Variants in MLPH observed in about 807,000 individuals in gnomAD.
The protein encoded by MLPH is melanophilin.
MLPH carries 51 observed loss-of-function variants against 72.1 expected under a neutral mutation model. The ratio of observed to expected loss-of-function variants is 0.71; its 90% confidence interval spans 0.56 to 0.89. The LOEUF is 0.89. MLPH is among the 40% of genes least tolerant of loss of function. The pLI is 0.00. For missense variants in MLPH, 743 were observed against 759.9 expected (o/e 0.98, Z 0.26); for synonymous variants, 301 against 310.1 (o/e 0.97, Z 0.31).
At chr2:237,488,402 C>G (rs1034963362) in intron 1 of MLPH, among the ~76,000 whole-genome samples, 4 of 152,216 alleles carry the variant, frequency 2.6e-5, no homozygotes, top group Non-Finnish European at 5.9e-5. Context: ...TGGCCTGCAT[C>G]TGTCCTAGGA....
chr2:237,516,703 G>C (rs1306945098), intron 4 of MLPH, among the ~76,000 whole-genome samples: 1 of 152,036 alleles, frequency 6.6e-6, no homozygotes, highest in African/African-American at 2.4e-5. Flanking sequence ...TGTTTGGATA[G>C]GTATACGAAA....
At position 237,510,508 on chromosome 2, in the gene MLPH, C is replaced by CA. The variant is rs1306459081; in HGVS notation, c.111-65dup. 1 of 1,409,828 alleles carries CA rather than the reference C, an allele frequency of 7.1e-7. No homozygotes were observed. 87.3% of individuals were successfully genotyped at this position (1,409,828 alleles called of 1,614,324 possible). On this transcript the variant is annotated intron_variant, in intron 2 of 15. Coordinates refer to ENST00000264605, the MANE Select transcript of MLPH (RefSeq NM_024101.7). The surrounding 1 kb of genome is among the most constrained non-coding windows in gnomAD (Gnocchi z 4.4). The stretch of plus-strand genomic sequence containing the variant: ...CTGTGTGTGTGTGTATGTACGTGTA[C>CA]ACACTTAAAGCCTGTTGCAAAAACA...
intron 8 of MLPH, among the ~76,000 whole-genome samples, chr2:237,528,881 C>T (rs2080360644): frequency 6.6e-6 from 1 of 152,116 alleles, no homozygotes; most frequent in African/African-American, 2.4e-5. Flanking sequence ...GTCACGAGCT[C>T]CTTTCACCGA....
In MLPH at chr2:237,510,655, C is replaced by T. The variant is rs1381052215; in HGVS notation, c.192C>T (p.Cys64=). The change falls in exon 3 of 16, where the codon TGC becomes TGT. Residue 64 remains cysteine (C), a synonymous_variant. Coordinates refer to ENST00000264605, the MANE Select transcript of MLPH (RefSeq NM_024101.7). The surrounding 1 kb of genome is among the most constrained non-coding windows in gnomAD (Gnocchi z 4.4). ...CTGCCCATCTGAACGAGACCCACTGCGCCCGCTGCCTGCAGCCCTACCAGC... is the reference window on the plus strand; with the variant it reads ...CTGCCCATCTGAACGAGACCCACTGTGCCCGCTGCCTGCAGCCCTACCAGC... The part of the protein sequence containing the change: ...SDTAHLNETH[C]ARCLQPYQLL... 117 of 1,613,794 alleles carry T rather than the reference C, an allele frequency of 7.3e-5. No homozygotes were observed. Among genetic ancestry groups the T allele is most frequent in the Non-Finnish European group, 9.5e-5 (112 of 1,180,046 alleles).
At chr2:237,497,842 C>T (rs1403128069) in intron 2 of MLPH, among the ~76,000 whole-genome samples, 1 of 152,208 alleles carries the variant, frequency 6.6e-6, no homozygotes, top group Admixed American at 6.5e-5. Flanking sequence ...CCTCGGGGTC[C>T]TCATGTCTGC....
chr2:237,520,044 G>A lies in MLPH; in HGVS notation c.675+15G>A, dbSNP rs200220846. Reference sequence around the variant, plus strand: ...ACAGCCCACAGGTCAGTGGGTCCTCGTGTCTTTCCCCTGCCCCTCCCAGGA... The same window carrying A: ...ACAGCCCACAGGTCAGTGGGTCCTCATGTCTTTCCCCTGCCCCTCCCAGGA... On this transcript the variant is annotated intron_variant, in intron 6 of 15. Transcript: ENST00000264605. 2.2e-4 allele frequency: 355 copies of A among 1,613,748 alleles called. 2 individuals carry two copies. In the East Asian group the frequency reaches 7.2e-3, roughly 33 times the overall value.
intron 2 of MLPH, among the ~76,000 whole-genome samples, chr2:237,495,688 C>G (rs1322293950): frequency 6.6e-6 from 1 of 152,202 alleles, no homozygotes; most frequent in Admixed American, 6.5e-5. Flanking sequence ...TCCCTCGGCC[C>G]TGGACCACCA....
rs112509812 is a variant in MLPH at position 237,553,228 on chromosome 2, C to T, written c.1777-338C>T. The T allele has an allele frequency of 2.3e-3, 1,113 of 492,400 alleles. 13 individuals are homozygous for T. The highest frequency in any genetic ancestry group is 0.02 in the African/African-American group (1,042 of 51,370). The allele number at this position is 492,400 out of a possible 1,614,324, so 30.5% of individuals were successfully genotyped here. A position where few individuals can be genotyped will look rare whatever the true frequency, so the allele number is the denominator to read the frequency against. ...GGTTGGTTGCGGGAGGGGACCAATCCGAGGTACTTTCCATTTTCATCTGAG... is the reference window on the plus strand; with the variant it reads ...GGTTGGTTGCGGGAGGGGACCAATCTGAGGTACTTTCCATTTTCATCTGAG... On this transcript the variant is annotated intron_variant, in intron 15 of 15. Transcript: ENST00000264605.
At chr2:237,516,945 G>GATGGATGGA (rs1559350602) in intron 4 of MLPH, among the ~76,000 whole-genome samples, 4,063 of 109,444 alleles carry the variant, frequency 0.037, 223 homozygotes, top group African/African-American at 0.15. Context: ...GGATGGATAG[G>GATGGATGGA]TGGATAGGTG....
intron 14 of MLPH, 64 bp from the exon 15 acceptor site, chr2:237,552,273 G>A: frequency 7.2e-7 from 1 of 1,394,844 alleles, no homozygotes; most frequent in Admixed American, 1.7e-5. Flanking sequence ...AGGAGGCCAA[G>A]GCACTTGTTT....
chr2:237,547,779 C>T (rs112378207), intron 13 of MLPH, among the ~76,000 whole-genome samples: 4 of 146,268 alleles, frequency 2.7e-5, no homozygotes, highest in African/African-American at 1.0e-4. Flanking sequence ...AGTTGCTCCC[C>T]GTGTTCAGGT....
At chr2:237,511,244 CTG>C in intron 4 of MLPH, 143 bp downstream of exon 4, 3 of 627,052 alleles carry the variant, frequency 4.8e-6, no homozygotes, top group East Asian at 6.0e-5. Context: ...ACATGCCTCT[CTG>C]TGAATTCCTG....
intron 4 of MLPH, chr2:237,518,329 G>A (rs557124579): frequency 3.1e-6 from 2 of 655,570 alleles, no homozygotes; most frequent in Non-Finnish European, 5.6e-6. Context: ...GTGAATAGAT[G>A]AATAGATTGA....
intron 12 of MLPH, among the ~76,000 whole-genome samples, chr2:237,543,080 A>G (rs370091180): frequency 0.018 from 361 of 19,614 alleles, no homozygotes; most frequent in South Asian, 0.024. Flanking sequence ...GTGAGTGGGG[A>G]GACAGTGGTG....
Position 237,546,689 on chromosome 2 carries a change from T to G in MLPH, c.1617+6T>G. The G allele has an allele frequency of 6.2e-7, 1 of 1,612,876 alleles. No individual in the cohort carries two copies. Among genetic ancestry groups the G allele is most frequent in the Non-Finnish European group, 8.5e-7 (1 of 1,178,890 alleles). On this transcript the variant is annotated splice_donor_region_variant and intron_variant, in intron 13 of 15. Transcript: ENST00000264605. ...ACCCTTCAAGTGAGGCCAAGGTATG[T>G]GTTACTCCATTCAAGCCCCAGACAC... is the stretch of plus-strand genomic sequence containing the variant.
At chr2:237,522,043 T>C (rs1450407383) in intron 6 of MLPH, among the ~76,000 whole-genome samples, 1 of 66,560 alleles carries the variant, frequency 1.5e-5, no homozygotes, top group Non-Finnish European at 3.2e-5. Flanking sequence ...ACAACTATAG[T>C]GCTGGAGCGG....
intron 9 of MLPH, among the ~76,000 whole-genome samples, chr2:237,538,653 G>A (rs981860119): frequency 9.2e-5 from 14 of 152,136 alleles, no homozygotes; most frequent in African/African-American, 3.4e-4. Context: ...TTTCCTCCAG[G>A]GATGAAATCC....
At position 237,540,494 on chromosome 2, in the gene MLPH, G is replaced by C; in HGVS notation, c.1251G>C (p.Arg417Ser). 6.2e-7 allele frequency: 1 copy of C among 1,612,762 alleles called. No individual in the cohort carries two copies. The highest frequency in any genetic ancestry group is 8.5e-7 in the Non-Finnish European group (1 of 1,179,944). Residue 417 changes from arginine (R) to serine (S), a missense_variant, in exon 10 of 16, where the codon AGG becomes AGC. Transcript: ENST00000264605. Reference protein sequence around the residue: ...EAKDEKAEPNRDKSVGPLPQA... With the variant: ...EAKDEKAEPNSDKSVGPLPQA... The stretch of plus-strand genomic sequence containing the variant: ...AGGACGAAAAGGCAGAGCCCAACAG[G>C]GACAAATCAGTTGGGCCTCTCCCCC...
In MLPH at chr2:237,505,121, C is replaced by G. The variant is rs1199136327; in HGVS notation, c.111-5453C>G. ...CCTTGGGAGAAAGGCTCATGACCCT[C>G]CCGGTGGCCAGGTTGATGGGGTCTG... On this transcript the variant is annotated intron_variant, in intron 2 of 15. Transcript: ENST00000264605. This position sits in a 1 kb window ranked among gnomAD's most constrained non-coding sequence, Gnocchi z 4.5. 6.6e-6 allele frequency among the ~76,000 whole-genome samples: 1 copy of G among 152,198 alleles called. No homozygotes were observed. The highest frequency in any genetic ancestry group is 2.4e-5 in the African/African-American group (1 of 41,456).
Sources: allele counts gnomAD v4.1 joint callset (sites outside exome capture counted in the v4.1 genomes callset), GRCh38; gene constraint gnomAD v4.1.1; non-coding constraint Gnocchi (gnomAD v3.1); transcripts MANE v1.5; gene names NCBI Gene and HGNC (gene_info 2026-07-23, HGNC 2026-07-21).